LAMTOR4: variants seen among roughly 807,000 people sequenced by gnomAD.
LAMTOR4 encodes the protein late endosomal/lysosomal adaptor, MAPK and MTOR activator 4, also known as ragulator complex protein LAMTOR4.
Under a neutral mutation model 13.5 loss-of-function variants are expected in LAMTOR4, and 11 were observed. That is an observed-to-expected ratio of 0.82 (90% CI 0.51 to 1.35). LAMTOR4 has a LOEUF of 1.35. LAMTOR4 is among the 40% of genes most tolerant of loss of function. The pLI, the probability that LAMTOR4 is intolerant of heterozygous loss-of-function variation, is 0.00. For missense variants in LAMTOR4, 128 were observed against 126.2 expected, an observed-to-expected ratio of 1.01 and a Z score of -0.07; for synonymous variants, 69 against 52.3, an observed-to-expected ratio of 1.32 and a Z score of -1.38.
At chr7:100,151,703 T>G (rs984430276) in intron 2 of LAMTOR4, among the ~76,000 whole-genome samples, 1 of 151,528 alleles carries the variant, frequency 6.6e-6, no homozygotes, top group Non-Finnish European at 1.5e-5. Flanking sequence ...TTTTTGTTTG[T>G]TTGTTTTTTT....
intron 1 of LAMTOR4, 54 bp from the exon 2 acceptor site, chr7:100,149,445 C>T: frequency 8.2e-7 from 1 of 1,224,600 alleles, no homozygotes; most frequent in Non-Finnish European, 1.2e-6. Context: ...TGAAGGGTAT[C>T]GGGCCGTCCA....
chr7:100,149,065 C>T (rs1163507816), intron 1 of LAMTOR4, 90 bp downstream of exon 1: 5 of 1,492,926 alleles, frequency 3.3e-6, no homozygotes, highest in Non-Finnish European at 4.5e-6. Flanking sequence ...TGGGCCTGCG[C>T]TCCACCCTCA....
intron 2 of LAMTOR4, among the ~76,000 whole-genome samples, chr7:100,150,905 C>T (rs967226688): frequency 2.7e-5 from 4 of 150,700 alleles, no homozygotes; most frequent in African/African-American, 9.8e-5. Context: ...AGTAGAATGG[C>T]GTGAACCTGG....
intron 1 of LAMTOR4, chr7:100,149,224 G>T (rs531833338): frequency 1.6e-4 from 97 of 612,706 alleles, no homozygotes; most frequent in African/African-American, 1.1e-3. Flanking sequence ...AGGGTCTGGG[G>T]GCAGGGGCCA....
intron 2 of LAMTOR4, among the ~76,000 whole-genome samples, chr7:100,151,042 G>A (rs1213557244): frequency 6.6e-6 from 1 of 151,652 alleles, no homozygotes; most frequent in Admixed American, 6.6e-5. Flanking sequence ...GTAAGAAGGA[G>A]GAGCAAGGAG....
Position 100,154,105 on chromosome 7 carries a change from A to G in LAMTOR4, c.*141A>G. On this transcript the variant is annotated 3_prime_UTR_variant, in exon 4 of 4. Coordinates refer to ENST00000341942, the MANE Select transcript of LAMTOR4 (RefSeq NM_001008395.4). ...CTCCCACCCCTACCTGGACGGGCCC[A>G]GGCTTGGGGACTCTGAGCTGTGTTA... 4.5e-6 allele frequency: 3 copies of G among 668,770 alleles called. No individual in the cohort carries two copies. In the East Asian group the frequency reaches 8.2e-5, roughly 18 times the overall value. 41.4% of individuals were successfully genotyped at this position (668,770 alleles called of 1,614,324 possible).
At chr7:100,149,059 CCTGCG>C (rs1798615317) in intron 1 of LAMTOR4, 84 bp downstream of exon 1, 1 of 1,521,220 alleles carries the variant, frequency 6.6e-7, no homozygotes, top group South Asian at 1.2e-5. Flanking sequence ...CCCTGGTGGG[CCTGCG>C]CTCCACCCTC....
At chr7:100,151,106 G>A (rs1330000731) in intron 2 of LAMTOR4, among the ~76,000 whole-genome samples, 8 of 151,354 alleles carry the variant, frequency 5.3e-5, no homozygotes, top group African/African-American at 1.5e-4. Flanking sequence ...ACAGAGTCTC[G>A]CTCTGTGGCC....
chr7:100,149,159 G>A, intron 1 of LAMTOR4, 184 bp downstream of exon 1: 1 of 745,922 alleles, frequency 1.3e-6, no homozygotes, highest in Non-Finnish European at 2.1e-6. Flanking sequence ...GTGGGAGGGT[G>A]TTCTGGGGCT....
intron 1 of LAMTOR4, 26 bp from the exon 2 acceptor site, chr7:100,149,473 T>C (rs755226834): frequency 6.5e-7 from 1 of 1,547,696 alleles, no homozygotes; most frequent in South Asian, 1.1e-5. Flanking sequence ...AGCATGCTTC[T>C]CACGACTTGC....
chr7:100,153,880 A>G lies in LAMTOR4; in HGVS notation c.216A>G (p.Glu72=). 6.3e-7 allele frequency: 1 copy of G among 1,581,970 alleles called. No individual in the cohort carries two copies. The highest frequency in any genetic ancestry group is 8.6e-7 in the Non-Finnish European group (1 of 1,163,878). ...TCTCTCCTCCAGTGGTCTTTGGAGA[A>G]CACACACTGCTGGTGACGGTGTCAG... The part of the protein sequence containing the change: ...PFKRLSVVFG[E]HTLLVTVSGQ... The change falls in exon 4 of 4, where the codon GAA becomes GAG. Residue 72 remains glutamate, a synonymous_variant. Coordinates refer to ENST00000341942, the MANE Select transcript of LAMTOR4 (RefSeq NM_001008395.4).
chr7:100,154,030 A>G lies in LAMTOR4; in HGVS notation c.*66A>G. 1.6e-6 allele frequency: 2 copies of G among 1,249,652 alleles called. No individual in the cohort carries two copies. Among genetic ancestry groups the G allele is most frequent in the Non-Finnish European group, 2.3e-6 (2 of 872,552 alleles). 77.4% of individuals were successfully genotyped at this position (1,249,652 alleles called of 1,614,324 possible). A position where few individuals can be genotyped will look rare whatever the true frequency, so the allele number is the denominator to read the frequency against. On this transcript the variant is annotated 3_prime_UTR_variant, in exon 4 of 4. Coordinates refer to ENST00000341942, the MANE Select transcript of LAMTOR4 (RefSeq NM_001008395.4). ...TGGGCCTCTGTGATGAGGCAGGCAC[A>G]CCTGTCGGTCTTGGCTTGCTGCTAG...
At chr7:100,151,918 G>T (rs535898549) in intron 2 of LAMTOR4, among the ~76,000 whole-genome samples, 1 of 151,820 alleles carries the variant, frequency 6.6e-6, no homozygotes, top group Non-Finnish European at 1.5e-5. Flanking sequence ...TGCCCAGGCT[G>T]GTCTCAAACT....
chr7:100,152,685 G>C (rs1046389250), intron 2 of LAMTOR4: 2 of 152,226 alleles, frequency 1.3e-5, no homozygotes, highest in South Asian at 4.1e-4. Context: ...AAGGACAAAG[G>C]GAATGTTTAT....
chr7:100,154,154 T>C lies in LAMTOR4; in HGVS notation c.*190T>C. On this transcript the variant is annotated 3_prime_UTR_variant, in exon 4 of 4. Transcript: ENST00000341942. ...TAAGGAGAACAAGGGCAAGGAGACCTCCCTTTGTGCTCCCTCACTCCCTAA... is the reference window on the plus strand; with the variant it reads ...TAAGGAGAACAAGGGCAAGGAGACCCCCCTTTGTGCTCCCTCACTCCCTAA... 1.7e-6 allele frequency: 1 copy of C among 579,026 alleles called. No homozygotes were observed. The highest frequency in any genetic ancestry group is 2.0e-5 in the South Asian group (1 of 50,606). 35.9% of individuals were successfully genotyped at this position (579,026 alleles called of 1,614,324 possible). A position where few individuals can be genotyped will look rare whatever the true frequency, so the allele number is the denominator to read the frequency against.
In LAMTOR4 at chr7:100,153,987, G is replaced by C. The variant is rs77496317; in HGVS notation, c.*23G>C. The C allele has an allele frequency of 3.2e-3, 4,914 of 1,551,956 alleles. 120 individuals carry two copies. The African/African-American group carries it at 0.055, about 17-fold the overall frequency. On this transcript the variant is annotated 3_prime_UTR_variant, in exon 4 of 4. Transcript: ENST00000341942. ...TGAGCCTGCCGGAGGGCGAGGGTCG[G>C]AGAAGCGGATTGGGTCCTGGGCCTC... is the stretch of plus-strand genomic sequence containing the variant.
intron 2 of LAMTOR4, among the ~76,000 whole-genome samples, chr7:100,151,272 A>G (rs1166844658): frequency 6.6e-6 from 1 of 151,628 alleles, no homozygotes; most frequent in Non-Finnish European, 1.5e-5. Flanking sequence ...AGAGGGTTTC[A>G]CCATGTTGGC....
At chr7:100,149,392 A>G (rs1328935471) in intron 1 of LAMTOR4, 107 bp from the exon 2 acceptor site, 2 of 793,540 alleles carry the variant, frequency 2.5e-6, no homozygotes, top group African/African-American at 1.7e-5. Context: ...GGGGAATGAG[A>G]AAACCTGGGG....
chr7:100,148,962 CGAA>C lies in LAMTOR4; in HGVS notation c.-8_-6del. 6.2e-7 allele frequency: 1 copy of C among 1,612,134 alleles called. No homozygotes were observed. The highest frequency in any genetic ancestry group is 8.5e-7 in the Non-Finnish European group (1 of 1,179,916). ...ATCTGGTAGGGAGCTCCCCCAGCAC[CGAA>C]GACTGCGATGGTGAGTGAGGACGCA... On this transcript the variant is annotated 5_prime_UTR_variant, in exon 1 of 4. Transcript: ENST00000341942.
Sources: gnomAD v4.1 joint callset for allele counts (sites outside exome capture counted in the v4.1 genomes callset) on GRCh38, gnomAD v4.1.1 for gene constraint, MANE v1.5 for transcripts, NCBI Gene and HGNC (gene_info 2026-07-23, HGNC 2026-07-21) for gene names.